Variants in LINGO2 observed in about 807,000 individuals in gnomAD.
LINGO2 encodes the protein leucine rich repeat and Ig domain containing 2.
A neutral mutation model predicts 30.6 loss-of-function variants in LINGO2; 14 were observed. That is an observed-to-expected ratio of 0.46 (90% CI 0.30 to 0.72). The LOEUF is 0.72. Ranked by LOEUF, LINGO2 falls within the 30% of genes least tolerant of loss-of-function variation. The pLI is 0.07. For missense variants in LINGO2, 729 were observed against 751.7 expected (o/e 0.97, Z 0.35); for synonymous variants, 317 against 288.5 (o/e 1.10, Z -1.00).
chr9:28,256,405 C>G (rs898089550), intron 4 of LINGO2, among the ~76,000 whole-genome samples: 1 of 151,700 alleles, frequency 6.6e-6, no homozygotes, highest in Non-Finnish European at 1.5e-5. Flanking sequence ...CATGCTAGAC[C>G]GAATTCCAGG....
chr9:28,890,537 A>T, the LINGO2 span, among the ~76,000 whole-genome samples: 1 of 152,044 alleles, frequency 6.6e-6, no homozygotes, highest in Non-Finnish European at 1.5e-5. Context: ...GTTTCTCCAA[A>T]TGGACCCAGA....
chr9:29,008,930 A>C, the LINGO2 span, among the ~76,000 whole-genome samples: 1 of 152,162 alleles, frequency 6.6e-6, no homozygotes, highest in Non-Finnish European at 1.5e-5. Flanking sequence ...CAAAGACAAA[A>C]ACCACATGAT....
the LINGO2 span, among the ~76,000 whole-genome samples, chr9:28,901,949 G>A: frequency 6.6e-6 from 1 of 152,058 alleles, no homozygotes; most frequent in Non-Finnish European, 1.5e-5. Flanking sequence ...CAGTATTTTG[G>A]GAGGCCAAAG....
the LINGO2 span, among the ~76,000 whole-genome samples, chr9:28,735,875 C>A: frequency 5.7e-3 from 861 of 152,088 alleles, 21 homozygotes; most frequent in East Asian, 0.087. Flanking sequence ...CACAGGGTTG[C>A]AGATGATAAA....
the LINGO2 span, among the ~76,000 whole-genome samples, chr9:29,170,540 T>C: frequency 6.6e-6 from 1 of 152,120 alleles, no homozygotes; most frequent in Admixed American, 6.5e-5. Flanking sequence ...TTCACCACTA[T>C]GCTATATATC....
At chr9:28,780,410 T>C in the LINGO2 span, among the ~76,000 whole-genome samples, 1 of 152,156 alleles carries the variant, frequency 6.6e-6, no homozygotes, top group Non-Finnish European at 1.5e-5. Context: ...GGAATCTATA[T>C]TTTGAGTCTA....
the LINGO2 span, among the ~76,000 whole-genome samples, chr9:29,145,521 T>TA: frequency 1.3e-5 from 2 of 151,970 alleles, no homozygotes; most frequent in East Asian, 1.9e-4. Context: ...TACTCCATTT[T>TA]AAAAAAATAA....
the LINGO2 span, among the ~76,000 whole-genome samples, chr9:29,198,853 G>C: frequency 1.3e-5 from 2 of 152,062 alleles, no homozygotes; most frequent in Non-Finnish European, 2.9e-5. Context: ...AGATTTCCAG[G>C]GGCTGGGGGA....
chr9:28,768,440 T>C, the LINGO2 span, among the ~76,000 whole-genome samples: 1 of 152,168 alleles, frequency 6.6e-6, no homozygotes, highest in African/African-American at 2.4e-5. Flanking sequence ...TAGCAGACTG[T>C]TCCAGGGTTA....
At chr9:28,299,938 G>T (rs1824072803) in intron 3 of LINGO2, among the ~76,000 whole-genome samples, 1 of 152,178 alleles carries the variant, frequency 6.6e-6, no homozygotes, top group Non-Finnish European at 1.5e-5. Flanking sequence ...TCAGCATGGT[G>T]TCCAAACAAC....
intron 1 of LINGO2, among the ~76,000 whole-genome samples, chr9:28,487,333 C>T (rs1194808051): frequency 6.6e-6 from 1 of 152,138 alleles, no homozygotes; most frequent in Non-Finnish European, 1.5e-5. Context: ...TCAATTTTGA[C>T]TCACCAGGTA....
intron 2 of LINGO2, among the ~76,000 whole-genome samples, chr9:28,374,120 T>C (rs1209274509): frequency 6.6e-6 from 1 of 151,646 alleles, no homozygotes; most frequent in Non-Finnish European, 1.5e-5. Flanking sequence ...ATGAGGCCTT[T>C]GTTCGGCACC....
At chr9:28,481,083 A>G (rs2135220875) in intron 1 of LINGO2, among the ~76,000 whole-genome samples, 1 of 89,982 alleles carries the variant, frequency 1.1e-5, no homozygotes, top group African/African-American at 3.5e-5. Flanking sequence ...AGGTTGGAGA[A>G]TGGGCATGGA....
At chr9:28,410,974 C>T (rs944788648) in intron 2 of LINGO2, among the ~76,000 whole-genome samples, 3 of 152,060 alleles carry the variant, frequency 2.0e-5, no homozygotes, top group East Asian at 3.9e-4. Context: ...ACATGCACAA[C>T]GACCAAAACT....
At chr9:27,947,613 T>C (rs1211362247), downstream of LINGO2, among the ~76,000 whole-genome samples, 1 of 152,186 alleles carries the variant, frequency 6.6e-6, no homozygotes, top group Non-Finnish European at 1.5e-5. Context: ...AAGGTAATAT[T>C]GTGTGTACAG....
chr9:28,800,546 A>G, the LINGO2 span, among the ~76,000 whole-genome samples: 1 of 152,060 alleles, frequency 6.6e-6, no homozygotes, highest in South Asian at 2.1e-4. Context: ...CTTATAATCA[A>G]TTCTCTACTC....
At chr9:28,466,533 G>C (rs1825309823) in intron 2 of LINGO2, among the ~76,000 whole-genome samples, 1 of 152,108 alleles carries the variant, frequency 6.6e-6, no homozygotes, top group African/African-American at 2.4e-5. Context: ...GTATTTGATA[G>C]CACATCAGTG....
intron 4 of LINGO2, among the ~76,000 whole-genome samples, chr9:28,230,341 T>A (rs369656637): frequency 3.4e-4 from 52 of 151,898 alleles, no homozygotes; most frequent in African/African-American, 1.2e-3. Flanking sequence ...TTTCCAAAGC[T>A]AGAATCAGAT....
intron 1 of LINGO2, among the ~76,000 whole-genome samples, chr9:28,638,032 G>A (rs553183699): frequency 6.6e-6 from 1 of 152,078 alleles, no homozygotes; most frequent in Non-Finnish European, 1.5e-5. Flanking sequence ...TTAGCATGAA[G>A]GTTGTTGAAT....
Sources: allele counts gnomAD v4.1 joint callset (sites outside exome capture counted in the v4.1 genomes callset), GRCh38; gene constraint gnomAD v4.1.1; transcripts MANE v1.5; gene names NCBI Gene and HGNC (gene_info 2026-07-23, HGNC 2026-07-21).